The following SPOCK1 variants were observed in gnomAD, a reference collection of about 807,000 sequenced individuals.
The protein encoded by SPOCK1 is testican-1.
SPOCK1 carries 23 observed loss-of-function variants against 55.3 expected under a neutral mutation model. That is an observed-to-expected ratio of 0.42 (90% CI 0.30 to 0.59). The LOEUF is 0.59. Among genes scored for constraint, SPOCK1 ranks in the 20% least tolerant of loss-of-function variants. SPOCK1 has a pLI of 0.22. For missense variants in SPOCK1, 499 were observed against 552.5 expected, an observed-to-expected ratio of 0.90 and a Z score of 0.97; for synonymous variants, 226 against 221.0, an observed-to-expected ratio of 1.02 and a Z score of -0.20.
At chr5:137,426,578 G>GAT (rs897536248) in intron 2 of SPOCK1, among the ~76,000 whole-genome samples, 1 of 152,144 alleles carries the variant, frequency 6.6e-6, no homozygotes, top group Admixed American at 6.5e-5. Context: ...AACGAATGTG[G>GAT]ATCATCTCCC....
intron 2 of SPOCK1, among the ~76,000 whole-genome samples, chr5:137,275,615 G>A (rs1757050912): frequency 2.6e-5 from 4 of 152,206 alleles, no homozygotes. Context: ...AGTGACTGAG[G>A]TGACTGAGGG....
At chr5:137,327,534 T>C (rs963265815) in intron 2 of SPOCK1, among the ~76,000 whole-genome samples, 1 of 152,210 alleles carries the variant, frequency 6.6e-6, no homozygotes, top group African/African-American at 2.4e-5. Context: ...GTTGAGACTT[T>C]CGGTTTTAAT....
intron 5 of SPOCK1, among the ~76,000 whole-genome samples, chr5:137,103,152 G>A (rs960801690): frequency 2.2e-4 from 34 of 152,120 alleles, no homozygotes; most frequent in Admixed American, 6.5e-4. Flanking sequence ...CACCACGCCC[G>A]GCTGACTTTT....
intron 2 of SPOCK1, among the ~76,000 whole-genome samples, chr5:137,397,594 A>G (rs1751880328): frequency 6.6e-6 from 1 of 152,118 alleles, no homozygotes; most frequent in Non-Finnish European, 1.5e-5. Flanking sequence ...CACTGGGTCA[A>G]ATTGTGGACT....
intron 4 of SPOCK1, among the ~76,000 whole-genome samples, chr5:137,138,910 A>G (rs1337367767): frequency 6.6e-6 from 1 of 152,218 alleles, no homozygotes; most frequent in Non-Finnish European, 1.5e-5. Context: ...AGTGAAAACC[A>G]TAAGCTTTGG....
chr5:136,999,754 G>C (rs1751113420), intron 6 of SPOCK1, among the ~76,000 whole-genome samples: 1 of 152,198 alleles, frequency 6.6e-6, no homozygotes, highest in African/African-American at 2.4e-5. Context: ...AATAGAGTAA[G>C]AAGTGGCGAG....
chr5:137,050,374 G>A (rs1265875551), intron 6 of SPOCK1, among the ~76,000 whole-genome samples: 2 of 144,810 alleles, frequency 1.4e-5, no homozygotes, highest in Non-Finnish European at 1.5e-5. Flanking sequence ...TCTGAAAAGC[G>A]CAATATTCGG....
chr5:137,476,823 G>A (rs1260688507), intron 2 of SPOCK1, among the ~76,000 whole-genome samples: 1 of 152,160 alleles, frequency 6.6e-6, no homozygotes, highest in East Asian at 1.9e-4. Context: ...TACTTGGAAG[G>A]CTGAGGTGGA....
chr5:137,090,126 T>C (rs539741952), intron 5 of SPOCK1, among the ~76,000 whole-genome samples: 4 of 152,346 alleles, frequency 2.6e-5, no homozygotes, highest in Non-Finnish European at 4.4e-5. Context: ...AGCAATACTT[T>C]CTCTAACAAA....
At chr5:137,223,656 T>A (rs957420618) in intron 3 of SPOCK1, among the ~76,000 whole-genome samples, 1 of 152,068 alleles carries the variant, frequency 6.6e-6, no homozygotes, top group East Asian at 1.9e-4. Flanking sequence ...TTTTATCACA[T>A]GTTGATAAAA....
chr5:137,208,563 G>A (rs1424047067), intron 3 of SPOCK1, among the ~76,000 whole-genome samples: 5 of 152,204 alleles, frequency 3.3e-5, no homozygotes, highest in Non-Finnish European at 5.9e-5. Flanking sequence ...GCAGCAACAT[G>A]GATGCAGCTG....
At chr5:137,436,913 A>C (rs912699676) in intron 2 of SPOCK1, among the ~76,000 whole-genome samples, 2 of 152,162 alleles carry the variant, frequency 1.3e-5, no homozygotes, top group African/African-American at 2.4e-5. Flanking sequence ...CCTGAATTTC[A>C]ACATCACATC....
intron 2 of SPOCK1, among the ~76,000 whole-genome samples, chr5:137,439,726 A>T (rs2149831678): frequency 6.6e-6 from 1 of 152,326 alleles, no homozygotes; most frequent in East Asian, 1.9e-4. Flanking sequence ...CACCACACAC[A>T]AACACAACCC....
intron 2 of SPOCK1, among the ~76,000 whole-genome samples, chr5:137,460,951 A>G (rs778967350): frequency 6.6e-6 from 1 of 152,076 alleles, no homozygotes; most frequent in Non-Finnish European, 1.5e-5. Context: ...GGCTGCTCTT[A>G]TTTAACTTTT....
chr5:137,316,589 T>C (rs868834540), intron 2 of SPOCK1, among the ~76,000 whole-genome samples: 4 of 152,206 alleles, frequency 2.6e-5, no homozygotes, highest in African/African-American at 4.8e-5. Flanking sequence ...CAGTTTATTA[T>C]TGACAACCTG....
chr5:137,197,329 GA>G (rs1261704672), intron 3 of SPOCK1, among the ~76,000 whole-genome samples: 1 of 152,160 alleles, frequency 6.6e-6, no homozygotes, highest in Non-Finnish European at 1.5e-5. Flanking sequence ...GGAGATGAGG[GA>G]TGAGGGAGCA....
At chr5:137,026,968 G>C (rs527956447) in intron 6 of SPOCK1, among the ~76,000 whole-genome samples, 1 of 152,288 alleles carries the variant, frequency 6.6e-6, no homozygotes, top group South Asian at 2.1e-4. Context: ...GCACAGAGTA[G>C]TCATTCAGTA....
intron 3 of SPOCK1, among the ~76,000 whole-genome samples, chr5:137,226,064 A>G (rs764052464): frequency 6.6e-6 from 1 of 152,168 alleles, no homozygotes; most frequent in Non-Finnish European, 1.5e-5. Context: ...TAAATCCTGA[A>G]AAGAGATGGG....
At chr5:137,095,474 T>C (rs1473054564) in intron 5 of SPOCK1, among the ~76,000 whole-genome samples, 1 of 152,260 alleles carries the variant, frequency 6.6e-6, no homozygotes, top group Non-Finnish European at 1.5e-5. Flanking sequence ...CTGTCATTGA[T>C]GGTTGTGTTA....
Sources: allele counts gnomAD v4.1 joint callset (sites outside exome capture counted in the v4.1 genomes callset), GRCh38; gene constraint gnomAD v4.1.1; transcripts MANE v1.5; gene names NCBI Gene and HGNC (gene_info 2026-07-23, HGNC 2026-07-21).